GHR: variants seen among roughly 807,000 people sequenced by gnomAD.
GHR encodes the protein GH receptor.
A neutral mutation model predicts 67.1 loss-of-function variants in GHR; 35 were observed. The ratio of observed to expected loss-of-function variants is 0.52; its 90% confidence interval spans 0.40 to 0.69. The LOEUF (loss-of-function observed/expected upper bound fraction) is 0.69, where lower values mean the gene tolerates loss of function less well. Among genes scored for constraint, GHR ranks in the 30% least tolerant of loss-of-function variants. The probability of loss-of-function intolerance (pLI) is 0.00; values close to 1 mark genes in which losing one functional copy is unlikely to be tolerated. For missense variants in GHR, 792 were observed against 764.6 expected (o/e 1.04, Z -0.42); for synonymous variants, 272 against 269.1 (o/e 1.01, Z -0.10).
At chr5:42,618,382 T>A (rs1753273191) in intron 2 of GHR, among the ~76,000 whole-genome samples, 2 of 152,162 alleles carry the variant, frequency 1.3e-5, no homozygotes, top group Admixed American at 6.5e-5. Flanking sequence ...GATAAATCCG[T>A]AAAATGTATG....
At chr5:42,638,231 T>C (rs1754300107) in intron 3 of GHR, among the ~76,000 whole-genome samples, 1 of 152,046 alleles carries the variant, frequency 6.6e-6, no homozygotes, top group Non-Finnish European at 1.5e-5. Context: ...TATAATATAG[T>C]ATTTTAAGGA....
In GHR at chr5:42,551,817, GC is replaced by G. The variant is rs558741569; in HGVS notation, c.-11-14042del. Among the ~76,000 whole-genome samples, 168 of 152,222 alleles carry G rather than the reference GC, an allele frequency of 1.1e-3. 4 individuals carry two copies. The highest frequency in any genetic ancestry group is 0.01 in the Admixed American group (155 of 15,292). On this transcript the variant is annotated intron_variant, in intron 1 of 9. Transcript: ENST00000230882. ...TTGATGATGATGCTCCATGTAAACT[GC>G]CCCCTAGGATTTTCTATAAGTTTTC...
intron 2 of GHR, among the ~76,000 whole-genome samples, chr5:42,587,681 T>G (rs552842256): frequency 1.9e-3 from 283 of 152,216 alleles, no homozygotes; most frequent in African/African-American, 6.6e-3. Context: ...TGTTTTTTTT[T>G]TGTTTTTTTA....
chr5:42,451,992 A>T (rs1432308515), intron 1 of GHR, among the ~76,000 whole-genome samples: 1 of 152,184 alleles, frequency 6.6e-6, no homozygotes, highest in Non-Finnish European at 1.5e-5. Flanking sequence ...ATTGCTTTAT[A>T]GGCCCTGTGA....
chr5:42,674,518 A>G (rs1007190986), intron 3 of GHR, among the ~76,000 whole-genome samples: 1 of 151,824 alleles, frequency 6.6e-6, no homozygotes, highest in Non-Finnish European at 1.5e-5. Flanking sequence ...TTTCCCATTC[A>G]CCTCATTTCC....
At chr5:42,530,357 T>A (rs1747911664) in intron 1 of GHR, among the ~76,000 whole-genome samples, 1 of 152,208 alleles carries the variant, frequency 6.6e-6, no homozygotes, top group African/African-American at 2.4e-5. Flanking sequence ...CTCAGTCAAA[T>A]TTTCATGAAT....
At chr5:42,672,410 T>G (rs1756363123) in intron 3 of GHR, among the ~76,000 whole-genome samples, 1 of 152,006 alleles carries the variant, frequency 6.6e-6, no homozygotes, top group Non-Finnish European at 1.5e-5. Flanking sequence ...ACAAAAGAAA[T>G]AAAGTACAAC....
intron 2 of GHR, among the ~76,000 whole-genome samples, chr5:42,600,802 A>G (rs1345093046): frequency 2.6e-5 from 4 of 152,116 alleles, no homozygotes; most frequent in East Asian, 1.9e-4. Context: ...GCTCTAGCCC[A>G]ATATTTGCTG....
chr5:42,719,027 A>G lies in GHR; in HGVS notation c.1520A>G (p.Asn507Ser). The stretch of plus-strand genomic sequence containing the variant: ...GTGGTCCTTTCCCCGGGCCAAAAGA[A>G]TAAGGCAGGGATGTCCCAATGTGAC... ...GSVVLSPGQKNKAGMSQCDMH... is the reference protein window; with the variant it reads ...GSVVLSPGQKSKAGMSQCDMH... Residue 507 changes from asparagine (N) to serine (S), a missense_variant, in exon 10 of 10, where the codon AAT becomes AGT. Physicochemically the swap from Asn to Ser is conservative, Grantham distance 46 (BLOSUM62 1). Transcript: ENST00000230882. 1 of 1,607,396 alleles carries G rather than the reference A, an allele frequency of 6.2e-7. No individual in the cohort carries two copies. Among genetic ancestry groups the G allele is most frequent in the Non-Finnish European group, 8.5e-7 (1 of 1,175,736 alleles).
intron 1 of GHR, among the ~76,000 whole-genome samples, chr5:42,447,680 CCTCCCTCCCTCCCTCCCTCTATCT>C (rs1239634972): frequency 1.5e-5 from 2 of 137,836 alleles, no homozygotes; most frequent in East Asian, 2.2e-4. Flanking sequence ...TTGTTTTCTC[CCTCCCTCCCTCCCTCCCTCTATCT>C]CTCCCTCCCT....
At chr5:42,494,975 TTC>T (rs1173179663) in intron 1 of GHR, among the ~76,000 whole-genome samples, 1 of 152,054 alleles carries the variant, frequency 6.6e-6, no homozygotes, top group Non-Finnish European at 1.5e-5. Flanking sequence ...ATCTTGGTAT[TTC>T]TCTTTCTGAG....
At chr5:42,660,978 C>T (rs892644264) in intron 3 of GHR, among the ~76,000 whole-genome samples, 8 of 151,914 alleles carry the variant, frequency 5.3e-5, no homozygotes, top group South Asian at 4.1e-4. Flanking sequence ...CCTCAGGAGC[C>T]GATGCGATCA....
chr5:42,574,043 G>A (rs1019230812), intron 2 of GHR, among the ~76,000 whole-genome samples: 2 of 152,170 alleles, frequency 1.3e-5, no homozygotes, highest in Admixed American at 6.5e-5. Context: ...TTTTTCAGGG[G>A]AGGACCATTT....
intron 1 of GHR, among the ~76,000 whole-genome samples, chr5:42,463,864 G>C (rs1053448913): frequency 8.7e-5 from 13 of 148,688 alleles, no homozygotes; most frequent in Admixed American, 8.7e-4. Context: ...GTAGTGGTGG[G>C]CGCCTGTAGT....
intron 3 of GHR, among the ~76,000 whole-genome samples, chr5:42,661,227 A>C (rs572873861): frequency 6.6e-6 from 1 of 152,342 alleles, no homozygotes; most frequent in Admixed American, 6.5e-5. Context: ...AGGCAGGCCA[A>C]CATTCAGATT....
At chr5:42,711,100 A>T in intron 6 of GHR, 107 bp from the exon 7 acceptor site, 1 of 830,870 alleles carries the variant, frequency 1.2e-6, no homozygotes, top group Non-Finnish European at 2.1e-6. Context: ...AATATTACCT[A>T]CTTTATAAAA....
chr5:42,604,742 G>C (rs934546755), intron 2 of GHR, among the ~76,000 whole-genome samples: 1 of 148,234 alleles, frequency 6.7e-6, no homozygotes, highest in Non-Finnish European at 1.5e-5. Flanking sequence ...TTTACTTACT[G>C]TATTATTTAT....
intron 2 of GHR, among the ~76,000 whole-genome samples, chr5:42,618,125 CTACTTTT>C (rs1269278126): frequency 6.6e-6 from 1 of 152,110 alleles, no homozygotes; most frequent in African/African-American, 2.4e-5. Flanking sequence ...CATCAGGTAG[CTACTTTT>C]TACTGCCCAG....
At chr5:42,633,694 A>T (rs553852875) in intron 3 of GHR, among the ~76,000 whole-genome samples, 2 of 152,174 alleles carry the variant, frequency 1.3e-5, no homozygotes, top group African/African-American at 4.8e-5. Context: ...TTTCTAAATT[A>T]TGAATAAACT....
Sources: allele counts gnomAD v4.1 joint callset (sites outside exome capture counted in the v4.1 genomes callset), GRCh38; gene constraint gnomAD v4.1.1; transcripts MANE v1.5; gene names NCBI Gene and HGNC (gene_info 2026-07-23, HGNC 2026-07-21).